The following ADAMTS17 variants were observed in gnomAD, a reference collection of about 807,000 sequenced individuals.
The protein encoded by ADAMTS17 is A disintegrin and metalloproteinase with thrombospondin motifs 17.
In ADAMTS17, 113 loss-of-function variants were observed where a neutral mutation model predicts 141.5. That is an observed-to-expected ratio of 0.80 (90% CI 0.69 to 0.93). ADAMTS17 has a LOEUF of 0.93. ADAMTS17 is among the 40% of genes least tolerant of loss of function. The pLI is 0.00. For synonymous variants in ADAMTS17, 768 were observed against 630.6 expected (o/e 1.22, Z -3.27); for missense variants, 1,659 against 1,517.9 (o/e 1.09, Z -1.54).
Position 99,993,252 on chromosome 15 carries a change from A to G in ADAMTS17, c.2797-52T>C. Reference sequence around the variant, plus strand: ...CCGAGTTCCAATTCGATTCAAGTCCATCAACAGCTATTAACTCCCTCCAAT... The same window carrying G: ...CCGAGTTCCAATTCGATTCAAGTCCGTCAACAGCTATTAACTCCCTCCAAT... On this transcript the variant is annotated intron_variant, in intron 19 of 21. Transcript: ENST00000268070. The surrounding 1 kb of genome is among the most constrained non-coding windows in gnomAD (Gnocchi z 4.3). 6.2e-7 allele frequency: 1 copy of G among 1,610,748 alleles called. No homozygotes were observed. The highest frequency in any genetic ancestry group is 8.5e-7 in the Non-Finnish European group (1 of 1,178,098).
At chr15:100,051,483 T>A (rs987277982) in intron 17 of ADAMTS17, 89 bp downstream of exon 17, 2 of 1,569,160 alleles carry the variant, frequency 1.3e-6, no homozygotes, top group Non-Finnish European at 1.7e-6. Flanking sequence ...GTTGCAGATG[T>A]CTCACACTCT....
At chr15:100,130,397 T>A (rs1004290812) in intron 12 of ADAMTS17, among the ~76,000 whole-genome samples, 2 of 151,270 alleles carry the variant, frequency 1.3e-5, no homozygotes, top group African/African-American at 4.9e-5. Flanking sequence ...CCTAACAGAC[T>A]AAACACCTAT....
chr15:99,977,378 ATATATATATATATATATATATAATTTTT>A (rs2060371464), intron 20 of ADAMTS17, among the ~76,000 whole-genome samples: 2 of 21,182 alleles, frequency 9.4e-5, no homozygotes, highest in Non-Finnish European at 1.6e-4. Context: ...ATATATATAT[ATATATATATATATATATATATAATTTTT>A]TTTTTTTTTT....
chr15:100,188,347 G>A (rs1238973166), intron 8 of ADAMTS17, among the ~76,000 whole-genome samples: 1 of 151,658 alleles, frequency 6.6e-6, no homozygotes. Flanking sequence ...GAAATGCTGG[G>A]ATTTTAGGCA....
chr15:100,066,404 A>G (rs1003496277), intron 15 of ADAMTS17, among the ~76,000 whole-genome samples: 1 of 151,564 alleles, frequency 6.6e-6, no homozygotes, highest in Non-Finnish European at 1.5e-5. Context: ...AAATTATTTC[A>G]TACATGTGGT....
At chr15:100,341,009 G>C (rs882607) in intron 2 of ADAMTS17, 30 bp downstream of exon 2, 3 of 1,511,654 alleles carry the variant, frequency 2.0e-6, no homozygotes, top group East Asian at 2.5e-5. Context: ...CAGACCGGAC[G>C]GGCCGACCCG....
At chr15:100,157,298 T>TC (rs1400760985) in intron 8 of ADAMTS17, among the ~76,000 whole-genome samples, 1 of 152,110 alleles carries the variant, frequency 6.6e-6, no homozygotes, top group Non-Finnish European at 1.5e-5. Context: ...CAGACACCCG[T>TC]CCTCAAAGAA....
At chr15:100,314,654 A>G (rs2141874849) in intron 3 of ADAMTS17, among the ~76,000 whole-genome samples, 1 of 152,380 alleles carries the variant, frequency 6.6e-6, no homozygotes, top group East Asian at 1.9e-4. Context: ...CAAGGATAAC[A>G]GAGCAAAGAG....
chr15:100,107,553 T>G (rs1420630554), intron 14 of ADAMTS17, among the ~76,000 whole-genome samples: 2 of 152,060 alleles, frequency 1.3e-5, no homozygotes, highest in African/African-American at 2.4e-5. Flanking sequence ...CAAATCCACA[T>G]GTTGAATCAC....
intron 3 of ADAMTS17, among the ~76,000 whole-genome samples, chr15:100,289,186 A>G (rs2044546837): frequency 6.6e-6 from 1 of 152,184 alleles, no homozygotes; most frequent in Non-Finnish European, 1.5e-5. Context: ...CAGAAATACA[A>G]AAAACTTTTA....
At chr15:100,229,730 AGGAGAACTAACTG>A in intron 7 of ADAMTS17, among the ~76,000 whole-genome samples, 1 of 152,346 alleles carries the variant, frequency 6.6e-6, no homozygotes, top group African/African-American at 2.4e-5. Context: ...ACAGAGCCTC[AGGAGAACTAACTG>A]CAAAGTTCCC....
rs1224003454 is a variant in ADAMTS17, at chr15:99,993,178, C to A, written c.2819G>T (p.Gly940Val). ...WSQCSASCGK[G>V]VWKRTVACTN... ...GCACGCCACGGTCCGTTTCCACACC[C>A]CTTTACCACAGCTGGCAGAGCACTG... The change falls in exon 20 of 22, where the codon GGG (glycine) becomes GTG (valine). Residue 940 changes from glycine to valine, a missense_variant. Physicochemically the swap from Gly to Val is moderately radical, Grantham distance 109. Coordinates refer to ENST00000268070, the MANE Select transcript of ADAMTS17 (RefSeq NM_139057.4). The surrounding 1 kb of genome is among the most constrained non-coding windows in gnomAD (Gnocchi z 4.3). The A allele has an allele frequency of 4.3e-6, 7 of 1,614,200 alleles. No homozygotes were observed. Among genetic ancestry groups the A allele is most frequent in the Non-Finnish European group, 5.9e-6 (7 of 1,180,034 alleles).
At chr15:100,035,780 A>T (rs2030646477) in intron 18 of ADAMTS17, among the ~76,000 whole-genome samples, 1 of 152,206 alleles carries the variant, frequency 6.6e-6, no homozygotes, top group African/African-American at 2.4e-5. Context: ...GCCGATATTA[A>T]GCAATGTCAA....
intron 18 of ADAMTS17, among the ~76,000 whole-genome samples, chr15:100,045,407 TAGA>T (rs2031607380): frequency 6.6e-6 from 1 of 152,224 alleles, no homozygotes; most frequent in East Asian, 1.9e-4. Context: ...AGTTTCATTT[TAGA>T]AGAATATTGA....
chr15:100,221,928 G>A (rs140542649), intron 7 of ADAMTS17, among the ~76,000 whole-genome samples: 1 of 152,308 alleles, frequency 6.6e-6, no homozygotes, highest in African/African-American at 2.4e-5. Context: ...GCCGCCTGGG[G>A]TCTCTGAGAA....
chr15:100,099,448 T>C (rs907584520), intron 14 of ADAMTS17, among the ~76,000 whole-genome samples: 1 of 152,188 alleles, frequency 6.6e-6, no homozygotes, highest in South Asian at 2.1e-4. Flanking sequence ...TTCTGAATAT[T>C]AGGGGAGCTT....
intron 19 of ADAMTS17, among the ~76,000 whole-genome samples, chr15:99,995,127 G>C (rs1327440866): frequency 6.6e-6 from 1 of 152,196 alleles, no homozygotes; most frequent in African/African-American, 2.4e-5. Context: ...CAGGAGCTTG[G>C]GCAGGAGGCC....
chr15:100,105,091 TCA>T (rs1328654496), intron 14 of ADAMTS17, among the ~76,000 whole-genome samples: 7 of 152,246 alleles, frequency 4.6e-5, no homozygotes, highest in African/African-American at 1.7e-4. Flanking sequence ...AAGTTGTTTC[TCA>T]CAGTTTTAAC....
At chr15:100,263,584 A>G (rs1255461127) in intron 4 of ADAMTS17, among the ~76,000 whole-genome samples, 1 of 152,202 alleles carries the variant, frequency 6.6e-6, no homozygotes, top group Non-Finnish European at 1.5e-5. Flanking sequence ...GTCAAAGTTG[A>G]CATGGATGGA....
Sources: allele counts gnomAD v4.1 joint callset (sites outside exome capture counted in the v4.1 genomes callset), GRCh38; gene constraint gnomAD v4.1.1; non-coding constraint Gnocchi (gnomAD v3.1); transcripts MANE v1.5; gene names NCBI Gene and HGNC (gene_info 2026-07-23, HGNC 2026-07-21).